PHKB: variants seen among roughly 807,000 people sequenced by gnomAD.
PHKB encodes phosphorylase kinase regulatory subunit beta.
In PHKB, 122 loss-of-function variants were observed where a neutral mutation model predicts 152.1. The ratio of observed to expected loss-of-function variants is 0.80; its 90% CI spans 0.69 to 0.93. The LOEUF (loss-of-function observed/expected upper bound fraction) is 0.93. Ranked by LOEUF, PHKB falls within the 40% of genes least tolerant of loss-of-function variation. The probability of loss-of-function intolerance (pLI) is 0.00; values close to 1 mark genes in which losing one functional copy is unlikely to be tolerated. For missense variants in PHKB, 1,304 were observed against 1,328.4 expected (o/e 0.98, Z 0.29); for synonymous variants, 436 against 464.9 (o/e 0.94, Z 0.80).
At chr16:47,585,403 C>T (rs1971918720) in intron 8 of PHKB, among the ~76,000 whole-genome samples, 2 of 152,256 alleles carry the variant, frequency 1.3e-5, no homozygotes, top group South Asian at 4.2e-4. Flanking sequence ...GTGTTCAAAG[C>T]AGTGCAGACA....
intron 7 of PHKB, among the ~76,000 whole-genome samples, chr16:47,577,174 G>A (rs1459801974): frequency 6.6e-6 from 1 of 151,726 alleles, no homozygotes; most frequent in Non-Finnish European, 1.5e-5. Context: ...TAGTGGTTTT[G>A]ATTGTATCAT....
chr16:47,631,851 G>A (rs1972833794), intron 14 of PHKB, among the ~76,000 whole-genome samples: 1 of 152,092 alleles, frequency 6.6e-6, no homozygotes, highest in Non-Finnish European at 1.5e-5. Context: ...GTGTATATGT[G>A]CCACATTTTC....
chr16:47,535,864 A>G (rs916776065), intron 6 of PHKB, among the ~76,000 whole-genome samples: 1 of 152,230 alleles, frequency 6.6e-6, no homozygotes, highest in East Asian at 1.9e-4. Context: ...GCTCTTTCCA[A>G]TTAGAAATAT....
At chr16:47,616,541 T>C (rs529667339) in intron 14 of PHKB, among the ~76,000 whole-genome samples, 475 of 146,284 alleles carry the variant, frequency 3.2e-3, no homozygotes, top group Middle Eastern at 0.029. Flanking sequence ...TATATAAATA[T>C]AAATATAAAA....
intron 1 of PHKB, among the ~76,000 whole-genome samples, chr16:47,472,239 C>G (rs557157681): frequency 2.0e-5 from 3 of 152,232 alleles, no homozygotes; most frequent in African/African-American, 4.8e-5. Flanking sequence ...TTGATTCAGG[C>G]AGAAGGATGC....
chr16:47,633,939 C>T (rs1435883622), intron 14 of PHKB, among the ~76,000 whole-genome samples: 1 of 152,152 alleles, frequency 6.6e-6, no homozygotes, highest in Non-Finnish European at 1.5e-5. Flanking sequence ...ATCATTGATA[C>T]AAGAAAATGA....
intron 1 of PHKB, among the ~76,000 whole-genome samples, chr16:47,471,272 G>A (rs769563939): frequency 3.3e-5 from 5 of 152,206 alleles, no homozygotes; most frequent in Non-Finnish European, 7.3e-5. Context: ...TATGGGTAAA[G>A]CATTGTGAAT....
At chr16:47,601,285 A>G (rs1972221223) in intron 13 of PHKB, among the ~76,000 whole-genome samples, 2 of 152,254 alleles carry the variant, frequency 1.3e-5, no homozygotes, top group Non-Finnish European at 1.5e-5. Context: ...CTAAAGAAAT[A>G]TAAAGTTAAT....
At position 47,578,482 on chromosome 16, in the gene PHKB, G is replaced by A. The variant is rs557027451; in HGVS notation, c.711-1813G>A. Among the ~76,000 whole-genome samples the A allele has an allele frequency of 1.8e-3, 281 of 152,244 alleles. 1 individual carries two copies. The highest frequency in any genetic ancestry group is 6.5e-3 in the African/African-American group (268 of 41,528). On this transcript the variant is annotated intron_variant, in intron 7 of 30. Transcript: ENST00000323584. The stretch of plus-strand genomic sequence containing the variant: ...TTCTTATACCACTCTGGTAGAAGAA[G>A]GGGTGAGGGCACATCACCTCATTAC...
At chr16:47,601,325 C>A (rs1972222236) in intron 13 of PHKB, among the ~76,000 whole-genome samples, 1 of 152,050 alleles carries the variant, frequency 6.6e-6, no homozygotes, top group African/African-American at 2.4e-5. Flanking sequence ...CATTAGATAA[C>A]CATTATAAAG....
chr16:47,697,010 G>T (rs894715027), intron 29 of PHKB, among the ~76,000 whole-genome samples: 2 of 152,182 alleles, frequency 1.3e-5, no homozygotes, highest in African/African-American at 2.4e-5. Context: ...ACATGTCATT[G>T]CATGGTGTAT....
At chr16:47,490,377 TTATAATAGC>T (rs1289908218) in intron 1 of PHKB, among the ~76,000 whole-genome samples, 2 of 152,254 alleles carry the variant, frequency 1.3e-5, no homozygotes, top group African/African-American at 4.8e-5. Flanking sequence ...TCTCTGTGGT[TTATAATAGC>T]TTAACCTTAT....
chr16:47,661,252 A>C (rs1274317319), intron 22 of PHKB, among the ~76,000 whole-genome samples: 1 of 152,058 alleles, frequency 6.6e-6, no homozygotes, highest in South Asian at 2.1e-4. Flanking sequence ...GTGCCCTAAT[A>C]TGTAATAAAC....
intron 6 of PHKB, among the ~76,000 whole-genome samples, chr16:47,520,422 G>T (rs1970666228): frequency 6.6e-6 from 1 of 152,226 alleles, no homozygotes; most frequent in Non-Finnish European, 1.5e-5. Flanking sequence ...AATGCAGAGA[G>T]CCACTAAGTG....
At chr16:47,645,094 T>C (rs914289967) in intron 16 of PHKB, among the ~76,000 whole-genome samples, 11 of 152,184 alleles carry the variant, frequency 7.2e-5, no homozygotes, top group African/African-American at 2.2e-4. Context: ...TTTGAGTTCA[T>C]TGTAGATTCT....
chr16:47,588,371 A>G (rs1400777965), intron 9 of PHKB, among the ~76,000 whole-genome samples: 3 of 151,424 alleles, frequency 2.0e-5, no homozygotes, highest in African/African-American at 4.8e-5. Context: ...CTCTAATACA[A>G]TCTTGACAAC....
At chr16:47,553,513 C>A (rs1352312865) in intron 7 of PHKB, among the ~76,000 whole-genome samples, 4 of 152,088 alleles carry the variant, frequency 2.6e-5, no homozygotes, top group African/African-American at 9.7e-5. Flanking sequence ...CTTGTTATTA[C>A]CCACCTTCTG....
At chr16:47,526,747 G>A (rs376933044) in intron 6 of PHKB, among the ~76,000 whole-genome samples, 2 of 152,148 alleles carry the variant, frequency 1.3e-5, no homozygotes, top group African/African-American at 2.4e-5. Context: ...AGCATATAGC[G>A]GAAGTGTTAT....
At chr16:47,599,762 A>T (rs984898966) in intron 13 of PHKB, among the ~76,000 whole-genome samples, 4 of 152,312 alleles carry the variant, frequency 2.6e-5, no homozygotes, top group Non-Finnish European at 4.4e-5. Context: ...ACATATCTCC[A>T]GCTGAAAAAA....
Sources: gnomAD v4.1 joint callset for allele counts (sites outside exome capture counted in the v4.1 genomes callset) on GRCh38, gnomAD v4.1.1 for gene constraint, MANE v1.5 for transcripts, NCBI Gene and HGNC (gene_info 2026-07-23, HGNC 2026-07-21) for gene names.